TMEM232: variants seen among roughly 807,000 people sequenced by gnomAD.
The protein encoded by TMEM232 is transmembrane protein 232.
A neutral mutation model predicts 78.8 loss-of-function variants in TMEM232; 80 were observed. That is an observed-to-expected ratio of 1.01 (90% confidence interval 0.85 to 1.22). The LOEUF (loss-of-function observed/expected upper bound fraction) is 1.22, where lower values mean the gene tolerates loss of function less well. Ranked by LOEUF, TMEM232 falls within the 50% of genes most tolerant of loss-of-function variation. The probability of loss-of-function intolerance (pLI) is 0.00; values close to 1 mark genes in which losing one functional copy is unlikely to be tolerated. For missense variants in TMEM232, 881 were observed against 742.2 expected (o/e 1.19, Z -2.17); for synonymous variants, 297 against 254.3 (o/e 1.17, Z -1.60).
In TMEM232 at chr5:110,436,160, T is replaced by C. The variant is rs77250092; in HGVS notation, c.1704-11244A>G. 3.8e-3 allele frequency among the ~76,000 whole-genome samples: 584 copies of C among 152,088 alleles called. 6 individuals carry two copies. The highest frequency in any genetic ancestry group is 0.013 in the African/African-American group (556 of 41,562). ...TGGATAAAAGCCATTTTAACTGGAG[T>C]GAAGGGATATCTCGTTGTAGTTTTG... On this transcript the variant is annotated intron_variant, in intron 12 of 13. Transcript: ENST00000455884.
At chr5:110,590,112 A>G (rs1779321638) in intron 10 of TMEM232, among the ~76,000 whole-genome samples, 1 of 152,164 alleles carries the variant, frequency 6.6e-6, no homozygotes, top group Non-Finnish European at 1.5e-5. Flanking sequence ...AATATTTGTA[A>G]GCATATAAAA....
chr5:110,528,703 G>A lies in TMEM232; in HGVS notation c.1588C>T (p.Pro530Ser), dbSNP rs1770972084. The A allele has an allele frequency of 6.5e-7, 1 of 1,534,694 alleles. No individual in the cohort carries two copies. Among genetic ancestry groups the A allele is most frequent in the Non-Finnish European group, 8.7e-7 (1 of 1,146,278 alleles). Residue 530 changes from proline (P) to serine (S), a missense_variant, in exon 12 of 14, where the codon CCC becomes TCC. Physicochemically the swap from Pro to Ser is moderately conservative, Grantham distance 74. Coordinates refer to ENST00000455884, the MANE Select transcript of TMEM232 (RefSeq NM_001039763.4). ...ANTLSKLFFP[P>S]IEAHFLPLKK... ...AAAGGAAGAAAATGGGCCTCAATGG[G>A]GGGAAAGAATAGTTTGGAAAGAGTG...
intron 12 of TMEM232, among the ~76,000 whole-genome samples, chr5:110,446,304 T>C (rs1275073212): frequency 6.6e-6 from 1 of 152,188 alleles, no homozygotes; most frequent in African/African-American, 2.4e-5. Context: ...ACTTGCTGTC[T>C]TTGAAGGTTT....
intron 12 of TMEM232, among the ~76,000 whole-genome samples, chr5:110,500,391 A>C (rs1766134431): frequency 1.3e-5 from 2 of 151,934 alleles, no homozygotes; most frequent in Non-Finnish European, 2.9e-5. Flanking sequence ...ATTAAATTTG[A>C]TGTGAATAAA....
chr5:110,462,969 T>C (rs1348661186), intron 12 of TMEM232, among the ~76,000 whole-genome samples: 1 of 152,312 alleles, frequency 6.6e-6, no homozygotes, highest in South Asian at 2.1e-4. Flanking sequence ...CTGGTAAAGA[T>C]GCTGTGAACA....
chr5:110,684,713 T>G lies in TMEM232; in HGVS notation c.-12-17349A>C, dbSNP rs1793176338. On this transcript the variant is annotated intron_variant, in intron 1 of 13. Transcript: ENST00000455884. ...TACTATGCTTGACCAAATGGACATA[T>G]AGAGAATTCTATATTTATTTATTAG... is the stretch of plus-strand genomic sequence containing the variant. 3 of 152,270 alleles carry G rather than the reference T, an allele frequency of 2.0e-5. No individual in the cohort carries two copies. The South Asian group carries it at 6.2e-4, about 32-fold the overall frequency. The allele number at this position is 152,270 out of a possible 1,614,324, so 9.4% of individuals were successfully genotyped here. A position where few individuals can be genotyped will look rare whatever the true frequency, so the allele number is the denominator to read the frequency against.
intron 10 of TMEM232, among the ~76,000 whole-genome samples, chr5:110,585,294 G>A (rs796890125): frequency 1.3e-5 from 2 of 152,204 alleles, no homozygotes; most frequent in Admixed American, 6.6e-5. Flanking sequence ...AAATTATTTA[G>A]TAGGAATGAT....
intron 1 of TMEM232, among the ~76,000 whole-genome samples, chr5:110,721,821 A>G (rs1561569726): frequency 6.6e-6 from 1 of 151,350 alleles, no homozygotes; most frequent in South Asian, 2.1e-4. Context: ...AAGGAAAAAT[A>G]TAAATTTATT....
intron 12 of TMEM232, among the ~76,000 whole-genome samples, chr5:110,469,511 A>C (rs982884875): frequency 6.6e-6 from 1 of 151,832 alleles, no homozygotes; most frequent in Non-Finnish European, 1.5e-5. Context: ...CACCCTATCT[A>C]CCCCTCTCCA....
intron 10 of TMEM232, among the ~76,000 whole-genome samples, chr5:110,582,643 T>C (rs559328023): frequency 1.3e-5 from 2 of 151,992 alleles, no homozygotes; most frequent in African/African-American, 4.8e-5. Flanking sequence ...AACAGAGTCC[T>C]GAAAGTGCTA....
intron 7 of TMEM232, among the ~76,000 whole-genome samples, chr5:110,622,689 T>C (rs921695117): frequency 6.6e-6 from 1 of 152,124 alleles, no homozygotes; most frequent in African/African-American, 2.4e-5. Flanking sequence ...TGATTTACAG[T>C]CCTTTGGGTA....
At chr5:110,475,485 C>T (rs1304707225) in intron 12 of TMEM232, among the ~76,000 whole-genome samples, 2 of 114,530 alleles carry the variant, frequency 1.7e-5, no homozygotes, top group African/African-American at 3.3e-5. Flanking sequence ...AACCAGTTCT[C>T]AATATATTGG....
intron 10 of TMEM232, among the ~76,000 whole-genome samples, chr5:110,598,650 G>T (rs987502604): frequency 1.3e-5 from 2 of 151,840 alleles, no homozygotes; most frequent in African/African-American, 4.8e-5. Flanking sequence ...AGAAAATGTG[G>T]CACATATACA....
intron 1 of TMEM232, among the ~76,000 whole-genome samples, chr5:110,701,635 C>A (rs146669393): frequency 6.6e-6 from 1 of 151,802 alleles, no homozygotes; most frequent in African/African-American, 2.4e-5. Context: ...ACCAATAGAC[C>A]CTGTCAGTAA....
chr5:110,460,862 T>C (rs1761446971), intron 12 of TMEM232, among the ~76,000 whole-genome samples: 1 of 152,098 alleles, frequency 6.6e-6, no homozygotes, highest in Admixed American at 6.6e-5. Context: ...ATGTAACTAT[T>C]GTAATTGTTT....
chr5:110,659,014 A>C (rs1789450368), intron 2 of TMEM232, among the ~76,000 whole-genome samples: 1 of 152,142 alleles, frequency 6.6e-6, no homozygotes, highest in Non-Finnish European at 1.5e-5. Context: ...ATGTAAGGGC[A>C]ACAATACCTC....
At chr5:110,483,303 T>C (rs1269645283) in intron 12 of TMEM232, among the ~76,000 whole-genome samples, 4 of 152,106 alleles carry the variant, frequency 2.6e-5, no homozygotes, top group African/African-American at 9.7e-5. Context: ...TAAAAAAACC[T>C]TGAAAATGGT....
downstream of TMEM232, among the ~76,000 whole-genome samples, chr5:110,416,291 C>A (rs2112591143): frequency 6.6e-6 from 1 of 152,324 alleles, no homozygotes; most frequent in African/African-American, 2.4e-5. Flanking sequence ...GTCTTTTCTA[C>A]AGAGGCATTG....
At chr5:110,457,208 G>T (rs1761002657) in intron 12 of TMEM232, among the ~76,000 whole-genome samples, 2 of 152,016 alleles carry the variant, frequency 1.3e-5, no homozygotes, top group African/African-American at 4.8e-5. Flanking sequence ...GTGAACAAAT[G>T]ATTTCACAAA....
Sources: gnomAD v4.1 joint callset for allele counts (sites outside exome capture counted in the v4.1 genomes callset) on GRCh38, gnomAD v4.1.1 for gene constraint, MANE v1.5 for transcripts, NCBI Gene and HGNC (gene_info 2026-07-23, HGNC 2026-07-21) for gene names.